Variants in TMEM132B observed in about 807,000 individuals in gnomAD.
The protein encoded by TMEM132B is transmembrane protein 132B.
TMEM132B carries 18 observed loss-of-function variants against 90.8 expected under a neutral mutation model. The observed-to-expected ratio is 0.20, with a 90% CI of 0.14 to 0.29. The LOEUF (loss-of-function observed/expected upper bound fraction) is 0.29, where lower values mean the gene tolerates loss of function less well. TMEM132B is among the 10% of genes least tolerant of loss of function. The probability of loss-of-function intolerance (pLI) is 1.00; values close to 1 mark genes in which losing one functional copy is unlikely to be tolerated. For synonymous variants in TMEM132B, 504 were observed against 523.3 expected (o/e 0.96, Z 0.50); for missense variants, 1,096 against 1,326.8 (o/e 0.83, Z 2.70).
intron 4 of TMEM132B, among the ~76,000 whole-genome samples, chr12:125,520,977 G>A (rs1352612594): frequency 1.3e-5 from 2 of 152,212 alleles, no homozygotes; most frequent in African/African-American, 4.8e-5. Context: ...CAATCTAGAC[G>A]GGGAAGTACC....
At chr12:125,641,802 TG>T (rs1886637734) in intron 5 of TMEM132B, among the ~76,000 whole-genome samples, 1 of 152,164 alleles carries the variant, frequency 6.6e-6, no homozygotes, top group Admixed American at 6.5e-5. Flanking sequence ...GATGTGTGAT[TG>T]GGGGTGGTTG....
intron 5 of TMEM132B, among the ~76,000 whole-genome samples, chr12:125,607,623 A>G (rs1885729002): frequency 1.3e-5 from 2 of 152,256 alleles, no homozygotes; most frequent in Non-Finnish European, 2.9e-5. Context: ...AGCATATAAA[A>G]TATGGACTGT....
chr12:125,314,782 G>T (rs1876218832), intron 1 of TMEM132B, among the ~76,000 whole-genome samples: 1 of 152,184 alleles, frequency 6.6e-6, no homozygotes, highest in South Asian at 2.1e-4. Context: ...GACTATCTAG[G>T]TTGCCTGGCC....
rs1407360231 is a variant in TMEM132B, at chr12:125,377,193, G to A, written c.959+26850G>A. Among the ~76,000 whole-genome samples, 3 of 152,236 alleles carry A rather than the reference G, an allele frequency of 2.0e-5. 1 individual carries two copies. In the South Asian group the frequency reaches 6.2e-4, roughly 31 times the overall value. On this transcript the variant is annotated intron_variant, in intron 2 of 8. Coordinates refer to ENST00000682704, the MANE Select transcript of TMEM132B (RefSeq NM_001366854.1). ...GTAGTGGGGAACATGTGGTTACTGA[G>A]GGCTGATTTACTTCAGTTGATGGGG... is the stretch of plus-strand genomic sequence containing the variant.
At position 125,643,792 on chromosome 12, in the gene TMEM132B, C is replaced by G. The variant is rs1455463543; in HGVS notation, c.1438-284C>G. ...AAAAAAGGTAAGATAAAGAAAAACA[C>G]ACATACACACAAAAGGCAACAGAGG... On this transcript the variant is annotated intron_variant, in intron 5 of 8. Transcript: ENST00000682704. Among the ~76,000 whole-genome samples the G allele has an allele frequency of 3.3e-5, 5 of 152,232 alleles. No individual in the cohort carries two copies. In the East Asian group the frequency reaches 9.7e-4, roughly 29 times the overall value.
intron 6 of TMEM132B, among the ~76,000 whole-genome samples, chr12:125,649,890 T>C (rs10773184): frequency 0.41 from 62,512 of 151,674 alleles, 14,960 homozygotes; most frequent in African/African-American, 0.66. Context: ...AGAGGAAGGG[T>C]CAGAGCCATA....
chr12:125,308,419 A>G (rs1876046099), intron 1 of TMEM132B, among the ~76,000 whole-genome samples: 1 of 151,998 alleles, frequency 6.6e-6, no homozygotes, highest in Non-Finnish European at 1.5e-5. Flanking sequence ...GCTGTCTCCA[A>G]GTGTCTTCCA....
chr12:125,630,676 A>T (rs1468369720), intron 5 of TMEM132B, among the ~76,000 whole-genome samples: 1 of 151,972 alleles, frequency 6.6e-6, no homozygotes, highest in Non-Finnish European at 1.5e-5. Flanking sequence ...TATTGTATAG[A>T]TTATTTTGTC....
At chr12:125,305,051 C>G (rs1269192004) in intron 1 of TMEM132B, among the ~76,000 whole-genome samples, 1 of 151,966 alleles carries the variant, frequency 6.6e-6, no homozygotes, top group Non-Finnish European at 1.5e-5. Context: ...TTTAACTCCC[C>G]TGGGGAGGTT....
Position 125,492,711 on chromosome 12 carries a change from C to G in TMEM132B, c.1107-26728C>G, listed in dbSNP as rs1882387500. Among the ~76,000 whole-genome samples, 1 of 152,252 alleles carries G rather than the reference C, an allele frequency of 6.6e-6. No homozygotes were observed. Among genetic ancestry groups the G allele is most frequent in the South Asian group, 2.1e-4 (1 of 4,826 alleles). On this transcript the variant is annotated intron_variant, in intron 3 of 8. Coordinates refer to ENST00000682704, the MANE Select transcript of TMEM132B (RefSeq NM_001366854.1). This position sits in a 1 kb window ranked among gnomAD's most constrained non-coding sequence, Gnocchi z 5.8. The stretch of plus-strand genomic sequence containing the variant: ...CTGTCCCTGGGCTCAGGAGGGCGCA[C>G]CCTTGGGAGGGTCTGTCCTGTGAAG...
chr12:125,220,422 CAAGAT>C (rs1279047374), intron 1 of TMEM132B, among the ~76,000 whole-genome samples: 4 of 152,206 alleles, frequency 2.6e-5, no homozygotes, highest in African/African-American at 9.7e-5. Flanking sequence ...AACAAGCTTT[CAAGAT>C]AATGCTGTTT....
intron 3 of TMEM132B, among the ~76,000 whole-genome samples, chr12:125,518,330 T>C (rs966815416): frequency 6.6e-6 from 1 of 152,034 alleles, no homozygotes; most frequent in African/African-American, 2.4e-5. Flanking sequence ...TCCACACAGG[T>C]TGTGAGTTTG....
intron 2 of TMEM132B, among the ~76,000 whole-genome samples, chr12:125,391,902 G>A (rs1879034328): frequency 1.3e-5 from 2 of 151,884 alleles, no homozygotes; most frequent in African/African-American, 4.8e-5. Flanking sequence ...GAGTAGCTGG[G>A]ACTACAGGCA....
intron 3 of TMEM132B, among the ~76,000 whole-genome samples, chr12:125,476,916 A>G (rs1263881754): frequency 6.6e-6 from 1 of 152,170 alleles, no homozygotes; most frequent in Non-Finnish European, 1.5e-5. Context: ...TCTCATTGAT[A>G]AGGCTTCAGT....
At chr12:125,462,843 T>C (rs1302791551) in intron 3 of TMEM132B, among the ~76,000 whole-genome samples, 1 of 152,262 alleles carries the variant, frequency 6.6e-6, no homozygotes, top group East Asian at 1.9e-4. Context: ...GGTCGTGCTC[T>C]ATACAATTAT....
intron 1 of TMEM132B, among the ~76,000 whole-genome samples, chr12:125,314,218 GCAAACC>G (rs143282839): frequency 0.013 from 2,033 of 152,298 alleles, 43 homozygotes; most frequent in African/African-American, 0.045. Flanking sequence ...CCAGTCCTAT[GCAAACC>G]GGCCTTGACT....
chr12:125,556,093 A>G (rs1407598613), intron 4 of TMEM132B, among the ~76,000 whole-genome samples: 1 of 152,226 alleles, frequency 6.6e-6, no homozygotes, highest in Admixed American at 6.5e-5. Context: ...CAATTCAGAA[A>G]TTTTATTCGA....
intron 2 of TMEM132B, among the ~76,000 whole-genome samples, chr12:125,385,249 A>T (rs1878796237): frequency 6.6e-6 from 1 of 152,228 alleles, no homozygotes; most frequent in African/African-American, 2.4e-5. Flanking sequence ...GCAAGATCAA[A>T]GTTTGTTTTT....
intron 3 of TMEM132B, among the ~76,000 whole-genome samples, chr12:125,422,366 C>G (rs1420090479): frequency 6.6e-6 from 1 of 152,204 alleles, no homozygotes; most frequent in Non-Finnish European, 1.5e-5. Context: ...GGCAAAGCGC[C>G]TGTGCTGTGA....
Sources: gnomAD v4.1 joint callset for allele counts (sites outside exome capture counted in the v4.1 genomes callset) on GRCh38, gnomAD v4.1.1 for gene constraint, Gnocchi (gnomAD v3.1) non-coding constraint, MANE v1.5 for transcripts, NCBI Gene and HGNC (gene_info 2026-07-23, HGNC 2026-07-21) for gene names.